The following LPCAT2 variants were observed in gnomAD, a reference collection of about 807,000 sequenced individuals.
LPCAT2 encodes lysophosphatidylcholine acyltransferase 2, also known as 1-AGP acyltransferase 11.
Under a neutral mutation model 64.7 loss-of-function variants are expected in LPCAT2, and 58 were observed. The observed-to-expected ratio is 0.90, with a 90% CI of 0.73 to 1.12. The LOEUF (loss-of-function observed/expected upper bound fraction) is 1.12, where lower values mean the gene tolerates loss of function less well. LPCAT2 is among the 50% of genes most tolerant of loss of function. The probability of loss-of-function intolerance (pLI) is 0.00; values close to 1 mark genes in which losing one functional copy is unlikely to be tolerated. For synonymous variants in LPCAT2, 252 were observed against 245.3 expected (o/e 1.03, Z -0.26); for missense variants, 579 against 669.8 (o/e 0.86, Z 1.50).
At position 55,584,590 on chromosome 16, in the gene LPCAT2, A is replaced by ATTTC. The variant is rs1963923850; in HGVS notation, c.*1492_*1493insTTTC. 6.6e-6 allele frequency: 1 copy of ATTTC among 152,178 alleles called. No individual in the cohort carries two copies. Among genetic ancestry groups the ATTTC allele is most frequent in the Non-Finnish European group, 1.5e-5 (1 of 68,018 alleles). The allele number at this position is 152,178 out of a possible 1,614,324, so 9.4% of individuals were successfully genotyped here. ...GTTCATTTTCTGAATTCAGTCTTTG[A>ATTTC]AATAAAACTCCTTGTTTTGGCCGTG... On this transcript the variant is annotated 3_prime_UTR_variant, in exon 14 of 14. Transcript: ENST00000262134.
intron 9 of LPCAT2, among the ~76,000 whole-genome samples, chr16:55,548,943 A>C (rs1161993042): frequency 1.3e-5 from 2 of 152,218 alleles, no homozygotes; most frequent in Non-Finnish European, 2.9e-5. Flanking sequence ...ACAGCTGGTG[A>C]AAAACTCCAC....
chr16:55,540,520 A>G (rs1456950118), intron 8 of LPCAT2: 1 of 152,240 alleles, frequency 6.6e-6, no homozygotes, highest in Non-Finnish European at 1.5e-5. Flanking sequence ...GAGAGAGAAT[A>G]CATGCTATGT....
chr16:55,532,263 A>G (rs118021540), intron 5 of LPCAT2: 165 of 260,510 alleles, frequency 6.3e-4, no homozygotes, highest in Admixed American at 1.2e-3. Flanking sequence ...GTCATCAAGT[A>G]GAAAACCTAT....
chr16:55,509,324 C>G lies in LPCAT2; in HGVS notation c.143C>G (p.Thr48Arg). The G allele has an allele frequency of 1.4e-6, 2 of 1,468,070 alleles. No homozygotes were observed. 90.9% of individuals were successfully genotyped at this position (1,468,070 alleles called of 1,614,324 possible). A position where few individuals can be genotyped will look rare whatever the true frequency, so the allele number is the denominator to read the frequency against. ...GTGCCGAACCCCTTCGTGCAGCAGA[C>G]GCAGATCGGCTCCGCGAGGCGGGTC... ...PPVPNPFVQQTQIGSARRVQI... is the reference protein window; with the variant it reads ...PPVPNPFVQQRQIGSARRVQI... The change falls in exon 1 of 14, where the codon ACG becomes AGG. Residue 48 changes from threonine to arginine, a missense_variant. Thr to Arg is a moderately conservative substitution (Grantham distance 71, BLOSUM62 -1). Transcript: ENST00000262134.
At position 55,537,390 on chromosome 16, in the gene LPCAT2, C is replaced by CAA. The variant is rs1567396660; in HGVS notation, c.798-188_798-187insAA. 4.6e-5 allele frequency among the ~76,000 whole-genome samples: 5 copies of CAA among 108,694 alleles called. No individual in the cohort carries two copies. In the East Asian group the frequency reaches 1.0e-3, roughly 23 times the overall value. The allele number at this position is 108,694 out of a possible 152,430, so 71.3% of individuals were successfully genotyped here. On this transcript the variant is annotated intron_variant, in intron 7 of 13. Transcript: ENST00000262134. ...TGGGTGACGGAGTAAGACCCTGTCCCCAAAAAAAAAAAAAAGAATAGTTGT... is the reference window on the plus strand; with the variant it reads ...TGGGTGACGGAGTAAGACCCTGTCCCAACAAAAAAAAAAAAAAGAATAGTTGT...
chr16:55,564,812 C>T (rs1380401520), intron 11 of LPCAT2, among the ~76,000 whole-genome samples: 2 of 151,912 alleles, frequency 1.3e-5, no homozygotes, highest in Non-Finnish European at 2.9e-5. Flanking sequence ...ACGCCAAAAG[C>T]ACAGGCAGCC....
chr16:55,580,657 G>T (rs1485835599), intron 13 of LPCAT2, among the ~76,000 whole-genome samples: 1 of 152,134 alleles, frequency 6.6e-6, no homozygotes, highest in Non-Finnish European at 1.5e-5. Flanking sequence ...CATTTAGATT[G>T]TTTAAATGTG....
chr16:55,530,098 C>T (rs9932429), intron 4 of LPCAT2, 151 bp downstream of exon 4: 3 of 481,144 alleles, frequency 6.2e-6, no homozygotes, highest in Non-Finnish European at 1.1e-5. Context: ...ATACAGTAGC[C>T]AGTATTAAGA....
intron 1 of LPCAT2, among the ~76,000 whole-genome samples, chr16:55,514,592 A>G: frequency 6.6e-6 from 1 of 152,162 alleles, no homozygotes; most frequent in Non-Finnish European, 1.5e-5. Context: ...ACCACAACAA[A>G]CCCTGGAAGG....
chr16:55,538,033 G>A (rs1260165081), intron 8 of LPCAT2, among the ~76,000 whole-genome samples: 1 of 152,204 alleles, frequency 6.6e-6, no homozygotes, highest in African/African-American at 2.4e-5. Context: ...AGACATAGAG[G>A]TCAGAAGCCT....
chr16:55,541,716 C>T (rs1567397918), intron 8 of LPCAT2: 1 of 385,266 alleles, frequency 2.6e-6, no homozygotes, highest in Non-Finnish European at 4.4e-6. Flanking sequence ...TGCATTCTCA[C>T]TGACAAAAAT....
rs377151456 is a variant in LPCAT2, at chr16:55,551,124, C to T, written c.1215+22C>T. The stretch of plus-strand genomic sequence containing the variant: ...CAGGGTATGTTAAAATTTAATCTTT[C>T]ACATTTTTACTCTGTCAGTCCTACA... On this transcript the variant is annotated intron_variant, in intron 11 of 13. Transcript: ENST00000262134. 45 of 1,594,640 alleles carry T rather than the reference C, an allele frequency of 2.8e-5. No homozygotes were observed. The African/African-American group carries it at 4.3e-4, about 15-fold the overall frequency.
chr16:55,535,069 A>C (rs982757404), intron 7 of LPCAT2, among the ~76,000 whole-genome samples: 3 of 152,208 alleles, frequency 2.0e-5, no homozygotes, highest in African/African-American at 7.2e-5. Context: ...AGAACAGAAC[A>C]TGTAGAAACT....
intron 11 of LPCAT2, among the ~76,000 whole-genome samples, chr16:55,568,819 G>A (rs568841002): frequency 1.3e-5 from 2 of 152,290 alleles, no homozygotes; most frequent in South Asian, 4.1e-4. Flanking sequence ...TGGGGTAGTT[G>A]TGCCTTTCTT....
At chr16:55,516,016 A>T (rs113530798) in intron 1 of LPCAT2, among the ~76,000 whole-genome samples, 5 of 152,362 alleles carry the variant, frequency 3.3e-5, no homozygotes, top group African/African-American at 1.2e-4. Flanking sequence ...ATTACATTAA[A>T]TATAAACTGA....
At chr16:55,544,728 G>A (rs1312329322) in intron 8 of LPCAT2, among the ~76,000 whole-genome samples, 2 of 152,098 alleles carry the variant, frequency 1.3e-5, no homozygotes, top group Non-Finnish European at 2.9e-5. Context: ...CTCTTTGGCT[G>A]CATTTCCCTG....
chr16:55,585,137 T>C lies in LPCAT2; in HGVS notation c.*2039T>C, dbSNP rs1239891964. The stretch of plus-strand genomic sequence containing the variant: ...TGAATGTGATATTTCTATTTTGTGA[T>C]TATGTTACTGAATAAACAAACTTGC... On this transcript the variant is annotated 3_prime_UTR_variant, in exon 14 of 14. Transcript: ENST00000262134. 6.6e-6 allele frequency: 1 copy of C among 152,224 alleles called. No individual in the cohort carries two copies. The highest frequency in any genetic ancestry group is 1.5e-5 in the Non-Finnish European group (1 of 68,020). The allele number at this position is 152,224 out of a possible 1,614,324, so 9.4% of individuals were successfully genotyped here. A position where few individuals can be genotyped will look rare whatever the true frequency, so the allele number is the denominator to read the frequency against.
intron 13 of LPCAT2, among the ~76,000 whole-genome samples, 184 bp downstream of exon 13, chr16:55,579,428 T>G (rs537427427): frequency 1.3e-5 from 2 of 152,330 alleles, no homozygotes; most frequent in African/African-American, 4.8e-5. Context: ...TGAGGACTTA[T>G]ATGCTAGGCA....
At position 55,556,570 on chromosome 16, in the gene LPCAT2, G is replaced by T. The variant is rs1220337076; in HGVS notation, c.1215+5468G>T. Among the ~76,000 whole-genome samples, 2 of 152,122 alleles carry T rather than the reference G, an allele frequency of 1.3e-5. 1 individual carries two copies. The highest frequency in any genetic ancestry group is 2.9e-5 in the Non-Finnish European group (2 of 68,016). On this transcript the variant is annotated intron_variant, in intron 11 of 13. Transcript: ENST00000262134. ...AGGTGGGCAGATCACGAGGTCAGGA[G>T]ATCGAGACCATCCTGGCTAACACGG...
Sources: gnomAD v4.1 joint callset for allele counts (sites outside exome capture counted in the v4.1 genomes callset) on GRCh38, gnomAD v4.1.1 for gene constraint, MANE v1.5 for transcripts, NCBI Gene and HGNC (gene_info 2026-07-23, HGNC 2026-07-21) for gene names.